Variants in GRWD1 observed in about 807,000 individuals in gnomAD.
GRWD1 encodes glutamate-rich WD repeat-containing protein 1.
In GRWD1, 29 loss-of-function variants were observed where a neutral mutation model predicts 45.3. That is an observed-to-expected ratio of 0.64 (90% CI 0.48 to 0.87). The LOEUF is 0.87. GRWD1 is among the 40% of genes least tolerant of loss of function. The pLI is 0.00. For missense variants in GRWD1, 592 were observed against 618.8 expected (o/e 0.96, Z 0.46); for synonymous variants, 262 against 257.6 (o/e 1.02, Z -0.16).
In GRWD1 at chr19:48,446,667, A is replaced by C; in HGVS notation, c.306-14A>C. 2 of 1,572,300 alleles carry C rather than the reference A, an allele frequency of 1.3e-6. No homozygotes were observed. The highest frequency in any genetic ancestry group is 1.7e-6 in the Non-Finnish European group (2 of 1,158,320). On this transcript the variant is annotated splice_polypyrimidine_tract_variant and intron_variant, in intron 2 of 6. Coordinates refer to ENST00000253237, the MANE Select transcript of GRWD1 (RefSeq NM_031485.4). The stretch of plus-strand genomic sequence containing the variant: ...TGGAATCTAGTGCCTAACTCACCCC[A>C]CAATTTCTCCCAGACTGATGATGCT...
chr19:48,446,928 CAT>C, intron 3 of GRWD1, 85 bp downstream of exon 3: 1 of 948,094 alleles, frequency 1.1e-6, no homozygotes, highest in East Asian at 2.7e-5. Flanking sequence ...AACACCTCCT[CAT>C]GTTCTTTTTT....
intron 3 of GRWD1, among the ~76,000 whole-genome samples, chr19:48,447,262 T>C (rs1971421022): frequency 2.0e-5 from 3 of 151,900 alleles, no homozygotes; most frequent in Non-Finnish European, 4.4e-5. Flanking sequence ...TTGGTTTTTT[T>C]TTGAGATGAA....
intron 3 of GRWD1, among the ~76,000 whole-genome samples, chr19:48,449,325 C>T (rs571413325): frequency 5.2e-4 from 79 of 152,292 alleles, no homozygotes; most frequent in Admixed American, 2.0e-3. Flanking sequence ...CTCCTGACCT[C>T]AGGCAGTCTG....
intron 3 of GRWD1, among the ~76,000 whole-genome samples, chr19:48,449,509 C>T (rs1971447358): frequency 6.6e-6 from 1 of 152,154 alleles, no homozygotes; most frequent in African/African-American, 2.4e-5. Context: ...CAATTAGGAG[C>T]TTGGCTTTGG....
chr19:48,456,577 A>T lies in GRWD1; in HGVS notation c.*3552A>T, dbSNP rs556080594. On this transcript the variant is annotated 3_prime_UTR_variant, in exon 7 of 7. Coordinates refer to ENST00000253237, the MANE Select transcript of GRWD1 (RefSeq NM_031485.4). ...TTGGTGCCAAACTTGACATTGTCTC[A>T]TGGTCTTCTTTCCAAATGGAGTGTG... 85 of 152,332 alleles carry T rather than the reference A, an allele frequency of 5.6e-4. No homozygotes were observed. Among genetic ancestry groups the T allele is most frequent in the African/African-American group, 2.0e-3 (83 of 41,568 alleles). 9.4% of individuals were successfully genotyped at this position (152,332 alleles called of 1,614,324 possible). A position where few individuals can be genotyped will look rare whatever the true frequency, so the allele number is the denominator to read the frequency against.
rs1473346501 is a variant in GRWD1 at position 48,446,326 on chromosome 19, G to T, written c.188-59G>T. The T allele has an allele frequency of 4.5e-6, 7 of 1,569,964 alleles. No homozygotes were observed. In the East Asian group the frequency reaches 1.3e-4, roughly 30 times the overall value. On this transcript the variant is annotated intron_variant, in intron 1 of 6. Coordinates refer to ENST00000253237, the MANE Select transcript of GRWD1 (RefSeq NM_031485.4). ...CGGAGGCGGTTGATCCATGAGGGAG[G>T]TGGGGACTGAGCTCTTACTGTCCCG...
chr19:48,452,749 C>T lies in GRWD1; in HGVS notation c.1065C>T (p.Pro355=), dbSNP rs1222380457. 3.6e-5 allele frequency: 57 copies of T among 1,597,236 alleles called. No homozygotes were observed. Among genetic ancestry groups the T allele is most frequent in the East Asian group, 6.7e-5 (3 of 44,452 alleles). The change falls in exon 7 of 7, where the codon CCC becomes CCT. Residue 355 remains proline (P), a synonymous_variant. Transcript: ENST00000253237. This position sits in a 1 kb window ranked among gnomAD's most constrained non-coding sequence, Gnocchi z 5.1. ...PVATFKQHVA[P]VTSVEWHPQD... ...CCACCTTCAAGCAGCACGTGGCCCC[C>T]GTGACCTCCGTCGAGTGGCACCCCC...
rs1466902909 is a variant in GRWD1, at chr19:48,455,038, C to T, written c.*2013C>T. The T allele has an allele frequency of 7.0e-6, 1 of 143,024 alleles. No individual in the cohort carries two copies. Among genetic ancestry groups the T allele is most frequent in the East Asian group, 2.3e-4 (1 of 4,264 alleles). 8.9% of individuals were successfully genotyped at this position (143,024 alleles called of 1,614,324 possible). On this transcript the variant is annotated 3_prime_UTR_variant, in exon 7 of 7. Transcript: ENST00000253237. ...TCTCTGTCCCCCCCTCTCTCTGGGTCTCTGTCCCCCTCTGTCTCTGAGTCT... is the reference window on the plus strand; with the variant it reads ...TCTCTGTCCCCCCCTCTCTCTGGGTTTCTGTCCCCCTCTGTCTCTGAGTCT...
At position 48,456,495 on chromosome 19, in the gene GRWD1, A is replaced by T. The variant is rs1218921536; in HGVS notation, c.*3470A>T. 2.0e-5 allele frequency: 3 copies of T among 152,220 alleles called. No individual in the cohort carries two copies. Among genetic ancestry groups the T allele is most frequent in the African/African-American group, 7.2e-5 (3 of 41,440 alleles). 9.4% of individuals were successfully genotyped at this position (152,220 alleles called of 1,614,324 possible). A position where few individuals can be genotyped will look rare whatever the true frequency, so the allele number is the denominator to read the frequency against. On this transcript the variant is annotated 3_prime_UTR_variant, in exon 7 of 7. Transcript: ENST00000253237. Reference sequence around the variant, plus strand: ...AAGTGGGCCTAATGAACCCTCGCGAATGGCCAGGCTGCCTGCGTGGTTGTG... The same window carrying T: ...AAGTGGGCCTAATGAACCCTCGCGATTGGCCAGGCTGCCTGCGTGGTTGTG...
chr19:48,449,791 G>C (rs11083937), intron 3 of GRWD1, among the ~76,000 whole-genome samples: 14 of 151,914 alleles, frequency 9.2e-5, no homozygotes, highest in Non-Finnish European at 1.9e-4. Context: ...ACTGCACTCC[G>C]TCCTGGGCAA....
rs1377670387 is a variant in GRWD1, at chr19:48,453,909, T to C, written c.*884T>C. On this transcript the variant is annotated 3_prime_UTR_variant, in exon 7 of 7. Transcript: ENST00000253237. ...GACCAGGAAGAGGCCTGAGGTGTAT[T>C]TGAGACTCTGGTCCTTTGGCCACAG... 1 of 152,050 alleles carries C rather than the reference T, an allele frequency of 6.6e-6. No homozygotes were observed. Among genetic ancestry groups the C allele is most frequent in the Non-Finnish European group, 1.5e-5 (1 of 68,014 alleles). The allele number at this position is 152,050 out of a possible 1,614,324, so 9.4% of individuals were successfully genotyped here.
rs944522394 is a variant in GRWD1 at position 48,455,091 on chromosome 19, C to G, written c.*2066C>G. On this transcript the variant is annotated 3_prime_UTR_variant, in exon 7 of 7. Coordinates refer to ENST00000253237, the MANE Select transcript of GRWD1 (RefSeq NM_031485.4). ...ATCCTCTCAAGGTCTCTGTTCCCCT[C>G]TCTCTGGGTCTCTGTCCTCTCTCAA... The G allele has an allele frequency of 6.7e-6, 1 of 150,130 alleles. No homozygotes were observed. The highest frequency in any genetic ancestry group is 1.5e-5 in the Non-Finnish European group (1 of 67,806). The allele number at this position is 150,130 out of a possible 1,614,324, so 9.3% of individuals were successfully genotyped here. A position where few individuals can be genotyped will look rare whatever the true frequency, so the allele number is the denominator to read the frequency against.
intron 3 of GRWD1, among the ~76,000 whole-genome samples, chr19:48,447,183 C>T (rs1203859687): frequency 6.6e-6 from 1 of 151,468 alleles, no homozygotes; most frequent in Non-Finnish European, 1.5e-5. Flanking sequence ...AAGGGATTCT[C>T]CTGCCTCAGC....
chr19:48,451,142 A>C lies in GRWD1; in HGVS notation c.934A>C (p.Asn312His), dbSNP rs374656254. Residue 312 changes from asparagine to histidine, a missense_variant, in exon 6 of 7, where the codon AAT (asparagine) becomes CAT (histidine). Coordinates refer to ENST00000253237, the MANE Select transcript of GRWD1 (RefSeq NM_031485.4). ...TTATAHDGDV[N>H]VISWSRREPF... ...AGCCACCGCCCATGATGGGGACGTC[A>C]ATGTCATCAGCTGGAGCCGCCGGGA... 6.2e-7 allele frequency: 1 copy of C among 1,613,960 alleles called. No homozygotes were observed. The highest frequency in any genetic ancestry group is 1.3e-5 in the African/African-American group (1 of 74,920).
chr19:48,451,688 G>T (rs911275976), intron 6 of GRWD1, among the ~76,000 whole-genome samples: 1 of 152,228 alleles, frequency 6.6e-6, no homozygotes. Context: ...TTGTGGAGCT[G>T]GGAGGGTCCC....
At position 48,454,459 on chromosome 19, in the gene GRWD1, G is replaced by A. The variant is rs1341905040; in HGVS notation, c.*1434G>A. The A allele has an allele frequency of 6.6e-6, 1 of 152,096 alleles. No homozygotes were observed. Among genetic ancestry groups the A allele is most frequent in the Non-Finnish European group, 1.5e-5 (1 of 68,192 alleles). 9.4% of individuals were successfully genotyped at this position (152,096 alleles called of 1,614,324 possible). A position where few individuals can be genotyped will look rare whatever the true frequency, so the allele number is the denominator to read the frequency against. On this transcript the variant is annotated 3_prime_UTR_variant, in exon 7 of 7. Transcript: ENST00000253237. The stretch of plus-strand genomic sequence containing the variant: ...CTCTGATCCATCTGTGGACTCCGAG[G>A]TCGGGTGCCCGTCACACGGCCCCTG...
Position 48,446,661 on chromosome 19 carries a change from C to T in GRWD1, c.306-20C>T, listed in dbSNP as rs1971406469. On this transcript the variant is annotated intron_variant, in intron 2 of 6. Transcript: ENST00000253237. ...GAATCCTGGAATCTAGTGCCTAACT[C>T]ACCCCACAATTTCTCCCAGACTGAT... is the stretch of plus-strand genomic sequence containing the variant. 3 of 1,568,310 alleles carry T rather than the reference C, an allele frequency of 1.9e-6. No individual in the cohort carries two copies. Among genetic ancestry groups the T allele is most frequent in the Non-Finnish European group, 2.6e-6 (3 of 1,156,060 alleles).
In GRWD1 at chr19:48,451,202, C is replaced by T; in HGVS notation, c.994C>T (p.Leu332Phe). 1 of 1,606,606 alleles carries T rather than the reference C, an allele frequency of 6.2e-7. No homozygotes were observed. The highest frequency in any genetic ancestry group is 8.5e-7 in the Non-Finnish European group (1 of 1,174,846). The change falls in exon 6 of 7, where the codon CTC (leucine) becomes TTC (phenylalanine). Residue 332 changes from leucine to phenylalanine, a missense_variant. Transcript: ENST00000253237. Reference protein sequence around the residue: ...FLLSGGDDGALKIWDLRQFKS... With the variant: ...FLLSGGDDGAFKIWDLRQFKS... The stretch of plus-strand genomic sequence containing the variant: ...GCTCAGTGGCGGGGATGATGGGGCC[C>T]TCAAGATCTGGGACCTTCGGCAGTT...
In GRWD1 at chr19:48,446,013, C is replaced by T. The variant is rs943455639; in HGVS notation, c.8C>T (p.Ala3Val). 2 of 1,584,854 alleles carry T rather than the reference C, an allele frequency of 1.3e-6. No homozygotes were observed. Among genetic ancestry groups the T allele is most frequent in the Admixed American group, 1.8e-5 (1 of 54,980 alleles). Residue 3 changes from alanine (A) to valine (V), a missense_variant, in exon 1 of 7, where the codon GCG becomes GTG. Coordinates refer to ENST00000253237, the MANE Select transcript of GRWD1 (RefSeq NM_031485.4). MA[A>V]RKGRRRTCET... ...CAGCGAGAGGGTTCGAAGATGGCGG[C>T]GCGCAAGGGTCGGCGGCGCACGTGT... is the stretch of plus-strand genomic sequence containing the variant.
Sources: gnomAD v4.1 joint callset for allele counts (sites outside exome capture counted in the v4.1 genomes callset) on GRCh38, gnomAD v4.1.1 for gene constraint, Gnocchi (gnomAD v3.1) non-coding constraint, MANE v1.5 for transcripts, NCBI Gene and HGNC (gene_info 2026-07-23, HGNC 2026-07-21) for gene names.